Variants in ARHGAP39 observed in about 807,000 individuals in gnomAD.
ARHGAP39 encodes rho GTPase-activating protein 39.
Under a neutral mutation model 106.9 loss-of-function variants are expected in ARHGAP39, and 44 were observed. The observed-to-expected ratio is 0.41, with a 90% CI of 0.32 to 0.53. The LOEUF (loss-of-function observed/expected upper bound fraction) is 0.53. ARHGAP39 is among the 20% of genes least tolerant of loss of function. ARHGAP39 has a pLI of 0.21. For synonymous variants in ARHGAP39, 768 were observed against 693.2 expected, an observed-to-expected ratio of 1.11 and a Z score of -1.69; for missense variants, 1,496 against 1,577.3, an observed-to-expected ratio of 0.95 and a Z score of 0.87.
intron 1 of ARHGAP39, among the ~76,000 whole-genome samples, chr8:144,639,325 C>CAA (rs1320599462): frequency 5.7e-4 from 37 of 64,896 alleles, no homozygotes; most frequent in African/African-American, 1.4e-3. Flanking sequence ...GATGCTGTCT[C>CAA]AAAAAAAAAA....
intron 1 of ARHGAP39, among the ~76,000 whole-genome samples, chr8:144,668,274 T>A (rs1444857120): frequency 1.3e-5 from 2 of 152,092 alleles, no homozygotes; most frequent in African/African-American, 4.8e-5. Context: ...AAATCCTGTC[T>A]CTACAAAAAT....
intron 1 of ARHGAP39, among the ~76,000 whole-genome samples, chr8:144,651,958 C>T (rs141430537): frequency 1.1e-3 from 164 of 152,182 alleles, no homozygotes; most frequent in African/African-American, 3.8e-3. Context: ...AAACCCAAAA[C>T]TATAAAAACC....
chr8:144,532,201 T>G (rs1042206066), intron 10 of ARHGAP39, 104 bp downstream of exon 10: 3 of 934,402 alleles, frequency 3.2e-6, no homozygotes, highest in Non-Finnish European at 5.0e-6. Flanking sequence ...AGCCATCACA[T>G]CACTGGGCAG....
intron 8 of ARHGAP39, 34 bp downstream of exon 8, chr8:144,534,095 C>G (rs1472815496): frequency 6.2e-7 from 1 of 1,609,804 alleles, no homozygotes; most frequent in Non-Finnish European, 8.5e-7. Context: ...TGTGTCCCCG[C>G]CTGCCCTCCC....
At chr8:144,601,972 T>G (rs1819993838) in intron 2 of ARHGAP39, among the ~76,000 whole-genome samples, 1 of 130,198 alleles carries the variant, frequency 7.7e-6, no homozygotes, top group Admixed American at 8.1e-5. Flanking sequence ...TTCATGTGCG[T>G]GGAGGTGCGT....
At chr8:144,616,362 G>A (rs996371059) in intron 1 of ARHGAP39, among the ~76,000 whole-genome samples, 2 of 152,254 alleles carry the variant, frequency 1.3e-5, no homozygotes, top group African/African-American at 4.8e-5. Flanking sequence ...GAATGAGTGT[G>A]GCTGTGGGTT....
rs973279400 is a variant in ARHGAP39, at chr8:144,585,904, G to A, written c.81-4627C>T. ...CCCCTGGAGCCGGCTCTCCCCGAGG[G>A]ACAGATGGGGCATCCCTGCACCCCC... On this transcript the variant is annotated intron_variant, in intron 2 of 11. Transcript: ENST00000377307. This position sits in a 1 kb window ranked among gnomAD's most constrained non-coding sequence, Gnocchi z 4.6. 4.6e-5 allele frequency among the ~76,000 whole-genome samples: 7 copies of A among 152,222 alleles called. No homozygotes were observed. The highest frequency in any genetic ancestry group is 1.0e-4 in the Non-Finnish European group (7 of 68,032).
Position 144,548,347 on chromosome 8 carries a change from C to T in ARHGAP39, c.739G>A (p.Gly247Ser), listed in dbSNP as rs1446729819. 7 of 1,606,824 alleles carry T rather than the reference C, an allele frequency of 4.4e-6. No individual in the cohort carries two copies. In the Admixed American group the frequency reaches 1.0e-4, roughly 23 times the overall value. Residue 247 changes from glycine (G) to serine (S), a missense_variant, in exon 5 of 12, where the codon GGC (glycine) becomes AGC (serine). By Grantham distance (56) the Gly-to-Ser change is moderately conservative. Coordinates refer to ENST00000377307, the MANE Select transcript of ARHGAP39 (RefSeq NM_025251.3). This position sits in a 1 kb window ranked among gnomAD's most constrained non-coding sequence, Gnocchi z 7.4. Reference protein sequence around the residue: ...PPGVRSRRPSGSQHSPSLQTF... With the variant: ...PPGVRSRRPSSSQHSPSLQTF... Reference sequence around the variant, plus strand: ...TGCAGGCTGGGTGAGTGCTGGCTGCCGGAGGGTCTGCGGGAGCGGACCCCA... The same window carrying T: ...TGCAGGCTGGGTGAGTGCTGGCTGCTGGAGGGTCTGCGGGAGCGGACCCCA...
At chr8:144,578,005 T>TA (rs1563683218) in intron 3 of ARHGAP39, among the ~76,000 whole-genome samples, 1 of 152,092 alleles carries the variant, frequency 6.6e-6, no homozygotes, top group Non-Finnish European at 1.5e-5. Flanking sequence ...TTGTTGTTGT[T>TA]AAAAGAAATG....
chr8:144,650,198 C>T (rs145526768), intron 1 of ARHGAP39, among the ~76,000 whole-genome samples: 4,137 of 151,918 alleles, frequency 0.027, 254 homozygotes, highest in East Asian at 0.25. Context: ...AAGACTGAAC[C>T]AGGAAGAAAC....
chr8:144,641,820 A>C lies in ARHGAP39; in HGVS notation c.-81-36125T>G, dbSNP rs554105980. The stretch of plus-strand genomic sequence containing the variant: ...TTACCCATCATGCAAGGAGAGGGGG[A>C]CATCCCATCACAGTGCAGCCACGAG... On this transcript the variant is annotated intron_variant, in intron 1 of 11. Coordinates refer to ENST00000377307, the MANE Select transcript of ARHGAP39 (RefSeq NM_025251.3). This position sits in a 1 kb window ranked among gnomAD's most constrained non-coding sequence, Gnocchi z 5.2. Among the ~76,000 whole-genome samples, 83 of 152,302 alleles carry C rather than the reference A, an allele frequency of 5.4e-4. No homozygotes were observed. Among genetic ancestry groups the C allele is most frequent in the African/African-American group, 2.0e-3 (83 of 41,572 alleles).
chr8:144,587,625 C>T (rs891887525), intron 2 of ARHGAP39, among the ~76,000 whole-genome samples: 13 of 151,602 alleles, frequency 8.6e-5, no homozygotes, highest in African/African-American at 3.1e-4. Flanking sequence ...CTGCTGGGTC[C>T]CCACGAGGAA....
intron 3 of ARHGAP39, among the ~76,000 whole-genome samples, chr8:144,578,507 C>T (rs1276797514): frequency 6.6e-6 from 1 of 152,188 alleles, no homozygotes; most frequent in South Asian, 2.1e-4. Flanking sequence ...GGATTACAGG[C>T]GTGTGCCACT....
chr8:144,587,879 C>G (rs561831913), intron 2 of ARHGAP39, among the ~76,000 whole-genome samples: 1 of 152,282 alleles, frequency 6.6e-6, no homozygotes, highest in African/African-American at 2.4e-5. Context: ...TCTCGAACTA[C>G]TGATCTGCCC....
chr8:144,595,759 C>A (rs1228683798), intron 2 of ARHGAP39, among the ~76,000 whole-genome samples: 4 of 152,124 alleles, frequency 2.6e-5, no homozygotes, highest in Non-Finnish European at 5.9e-5. Context: ...CCGAGCAGAC[C>A]CTCTTGGTGG....
At chr8:144,595,766 G>C (rs1460846959) in intron 2 of ARHGAP39, among the ~76,000 whole-genome samples, 3 of 152,120 alleles carry the variant, frequency 2.0e-5, no homozygotes, top group African/African-American at 7.2e-5. Context: ...GACCCTCTTG[G>C]TGGGTCCAGT....
chr8:144,657,559 A>G (rs1344864532), intron 1 of ARHGAP39, among the ~76,000 whole-genome samples: 1 of 152,222 alleles, frequency 6.6e-6, no homozygotes, highest in Non-Finnish European at 1.5e-5. Flanking sequence ...ACAGACCAAT[A>G]TCCCTATGAC....
chr8:144,587,769 C>G (rs745311075), intron 2 of ARHGAP39, among the ~76,000 whole-genome samples: 2 of 152,026 alleles, frequency 1.3e-5, no homozygotes, highest in Admixed American at 1.3e-4. Context: ...ATTTTCCTGC[C>G]TCAGCCTCCC....
intron 1 of ARHGAP39, among the ~76,000 whole-genome samples, chr8:144,639,311 G>A: frequency 6.9e-6 from 1 of 144,338 alleles, no homozygotes; most frequent in Non-Finnish European, 1.5e-5. Context: ...GGGTGACAGA[G>A]CGAGATGCTG....
Sources: gnomAD v4.1 joint callset for allele counts (sites outside exome capture counted in the v4.1 genomes callset) on GRCh38, gnomAD v4.1.1 for gene constraint, Gnocchi (gnomAD v3.1) non-coding constraint, MANE v1.5 for transcripts, NCBI Gene and HGNC (gene_info 2026-07-23, HGNC 2026-07-21) for gene names.